The following FREM1 variants were observed in gnomAD, a reference collection of about 807,000 sequenced individuals.
FREM1 encodes the protein FRAS1 related extracellular matrix 1.
In FREM1, 220 loss-of-function variants were observed where a neutral mutation model predicts 210.1. That is an observed-to-expected ratio of 1.05 (90% CI 0.94 to 1.17). FREM1 has a LOEUF of 1.17. FREM1 is among the 50% of genes most tolerant of loss of function. The pLI, the probability that FREM1 is intolerant of heterozygous loss-of-function variation, is 0.00. For synonymous variants in FREM1, 1,189 were observed against 980.2 expected (o/e 1.21, Z -3.98); for missense variants, 3,454 against 2,675.5 (o/e 1.29, Z -6.42).
chr9:14,890,290 A>T (rs1304404177), intron 1 of FREM1, among the ~76,000 whole-genome samples: 2 of 152,254 alleles, frequency 1.3e-5, no homozygotes, highest in South Asian at 2.1e-4. Context: ...TTCCTTCCTT[A>T]GATTTCCAAT....
Position 14,769,578 on chromosome 9 carries a change from C to A in FREM1, c.5204+146G>T, listed in dbSNP as rs543598829. ...AGCAGTAATAAAAAGAAAATTCATT[C>A]TCCAAAATAAATTCCATGAGCTTGT... On this transcript the variant is annotated intron_variant, in intron 27 of 36. Transcript: ENST00000380880. 5.0e-5 allele frequency: 43 copies of A among 860,772 alleles called. No individual in the cohort carries two copies. In the East Asian group the frequency reaches 1.1e-3, roughly 22 times the overall value. 53.3% of individuals were successfully genotyped at this position (860,772 alleles called of 1,614,324 possible). A position where few individuals can be genotyped will look rare whatever the true frequency, so the allele number is the denominator to read the frequency against.
intron 14 of FREM1, among the ~76,000 whole-genome samples, chr9:14,818,125 T>C (rs2130678246): frequency 6.6e-6 from 1 of 152,344 alleles, no homozygotes; most frequent in South Asian, 2.1e-4. Flanking sequence ...ACTTGATTAC[T>C]ATGCAGATTA....
chr9:14,875,414 T>TTTGA (rs1833514071), intron 1 of FREM1, among the ~76,000 whole-genome samples: 1 of 152,204 alleles, frequency 6.6e-6, no homozygotes, highest in African/African-American at 2.4e-5. Flanking sequence ...TCTCACTTCA[T>TTTGA]TTCATTCATT....
intron 27 of FREM1, among the ~76,000 whole-genome samples, chr9:14,769,190 T>C (rs892326251): frequency 6.6e-6 from 1 of 152,236 alleles, no homozygotes; most frequent in East Asian, 1.9e-4. Flanking sequence ...CAAAGTCTAG[T>C]TTCCTCTTTA....
chr9:14,812,317 C>T (rs77552694), intron 16 of FREM1, among the ~76,000 whole-genome samples: 4,737 of 152,248 alleles, frequency 0.031, 220 homozygotes, highest in African/African-American at 0.11. Flanking sequence ...CCTGTGTTCA[C>T]GCTGTCATTT....
At position 14,846,782 on chromosome 9, in the gene FREM1, C is replaced by T. The variant is rs372702488; in HGVS notation, c.1262-691G>A. Among the ~76,000 whole-genome samples the T allele has an allele frequency of 1.6e-4, 24 of 152,300 alleles. No individual in the cohort carries two copies. In the East Asian group the frequency reaches 2.9e-3, roughly 18 times the overall value. Reference sequence around the variant, plus strand: ...GGTCGAATTGCAAGGTAGCGTGCTGCTGGACTTATCTTATGCTTCTCTCAC... The same window carrying T: ...GGTCGAATTGCAAGGTAGCGTGCTGTTGGACTTATCTTATGCTTCTCTCAC... On this transcript the variant is annotated intron_variant, in intron 7 of 36. Coordinates refer to ENST00000380880, the MANE Select transcript of FREM1 (RefSeq NM_001379081.2).
chr9:14,887,153 G>C (rs183161966), intron 1 of FREM1, among the ~76,000 whole-genome samples: 86 of 152,278 alleles, frequency 5.6e-4, no homozygotes, highest in African/African-American at 2.1e-3. Flanking sequence ...GGAACAACCA[G>C]CTGTCTAAAC....
In FREM1 at chr9:14,797,404, C is replaced by T. The variant is rs1852630650; in HGVS notation, c.3839+94G>A. On this transcript the variant is annotated intron_variant, in intron 21 of 36. Coordinates refer to ENST00000380880, the MANE Select transcript of FREM1 (RefSeq NM_001379081.2). ...TGTGACAGGAGCTAGCGAAGACTTG[C>T]TTCTTTGGGAGACACACACACACCT... The T allele has an allele frequency of 2.9e-6, 3 of 1,032,626 alleles. No individual in the cohort carries two copies. The East Asian group carries it at 8.3e-5, about 29-fold the overall frequency. 64.0% of individuals were successfully genotyped at this position (1,032,626 alleles called of 1,614,324 possible).
chr9:14,751,728 T>C (rs1415338543), intron 29 of FREM1: 1 of 152,128 alleles, frequency 6.6e-6, no homozygotes, highest in Non-Finnish European at 1.5e-5. Context: ...CAACTGTCCA[T>C]CTATATGGTG....
At chr9:14,881,856 C>A (rs1022468277) in intron 1 of FREM1, among the ~76,000 whole-genome samples, 3 of 152,184 alleles carry the variant, frequency 2.0e-5, no homozygotes, top group Non-Finnish European at 4.4e-5. Context: ...TGAGAAACCT[C>A]CTTTAAGAGG....
chr9:14,776,388 T>C (rs1200215349), intron 24 of FREM1, 185 bp from the exon 25 acceptor site: 1 of 539,816 alleles, frequency 1.9e-6, no homozygotes, highest in Non-Finnish European at 3.1e-6. Flanking sequence ...AATGCATAAA[T>C]GGACCATTCT....
chr9:14,782,192 G>T (rs1849744364), intron 24 of FREM1, among the ~76,000 whole-genome samples: 1 of 152,208 alleles, frequency 6.6e-6, no homozygotes, highest in Non-Finnish European at 1.5e-5. Flanking sequence ...TTTGCATTTT[G>T]TAGTTCTCTC....
intron 1 of FREM1, among the ~76,000 whole-genome samples, chr9:14,883,160 A>G (rs1251178186): frequency 6.6e-6 from 1 of 152,116 alleles, no homozygotes; most frequent in Admixed American, 6.5e-5. Flanking sequence ...AGTCTGTTTT[A>G]TTTACATTCT....
At chr9:14,870,302 T>C (rs747442096) in intron 1 of FREM1, among the ~76,000 whole-genome samples, 2 of 152,216 alleles carry the variant, frequency 1.3e-5, no homozygotes, top group Non-Finnish European at 2.9e-5. Context: ...AGTGCCTGAC[T>C]TGTGTCACCT....
chr9:14,771,240 AT>A (rs1847517056), intron 25 of FREM1, among the ~76,000 whole-genome samples: 2 of 152,066 alleles, frequency 1.3e-5, no homozygotes, highest in African/African-American at 4.8e-5. Flanking sequence ...AACTTCTCCT[AT>A]TTTCCTGGTA....
chr9:14,792,729 A>G lies in FREM1; in HGVS notation c.3981+14T>C. ...TACGTTAGTTTTGAAAAATAAAAGTAAGAAGTCACTAACCTTAAGCTGAAG... is the reference window on the plus strand; with the variant it reads ...TACGTTAGTTTTGAAAAATAAAAGTGAGAAGTCACTAACCTTAAGCTGAAG... On this transcript the variant is annotated intron_variant, in intron 22 of 36. Transcript: ENST00000380880. 6.4e-7 allele frequency: 1 copy of G among 1,571,218 alleles called. No homozygotes were observed. The highest frequency in any genetic ancestry group is 1.2e-5 in the South Asian group (1 of 82,498).
At chr9:14,841,352 C>A in intron 10 of FREM1, 95 bp downstream of exon 10, 1 of 1,051,786 alleles carries the variant, frequency 9.5e-7, no homozygotes. Flanking sequence ...AATTTTAAAC[C>A]TTGAAACCTA....
rs1484767246 is a variant in FREM1 at position 14,824,808 on chromosome 9, G to A, written c.2066C>T (p.Ser689Phe). ...ACTTTTCAGATACCTGTGGCTGAAG[G>A]AGAAAAATGGAGGAGTAGTTATTGT... Reference protein sequence around the residue: ...VYTITTPPFFSFSHRHLDAGK... With the variant: ...VYTITTPPFFFFSHRHLDAGK... Residue 689 changes from serine to phenylalanine, a missense_variant, in exon 11 of 37, where the codon TCC (serine) becomes TTC (phenylalanine). Transcript: ENST00000380880. 4 of 1,610,782 alleles carry A rather than the reference G, an allele frequency of 2.5e-6. No homozygotes were observed. In the Admixed American group the frequency reaches 5.0e-5, roughly 20 times the overall value.
intron 4 of FREM1, among the ~76,000 whole-genome samples, chr9:14,858,840 GTACC>G (rs1205142304): frequency 1.3e-5 from 2 of 152,072 alleles, no homozygotes; most frequent in South Asian, 2.1e-4. Context: ...CTGACAATGA[GTACC>G]TACTGTGAGC....
Sources: allele counts gnomAD v4.1 joint callset (sites outside exome capture counted in the v4.1 genomes callset), GRCh38; gene constraint gnomAD v4.1.1; transcripts MANE v1.5; gene names NCBI Gene and HGNC (gene_info 2026-07-23, HGNC 2026-07-21).